LYPLAL1: variants seen among roughly 807,000 people sequenced by gnomAD.
LYPLAL1 encodes lysophospholipase-like protein 1.
A neutral mutation model predicts 19.7 loss-of-function variants in LYPLAL1; 23 were observed. The ratio of observed to expected loss-of-function variants is 1.17; its 90% CI spans 0.84 to 1.65. The LOEUF (loss-of-function observed/expected upper bound fraction) is 1.65, where lower values mean the gene tolerates loss of function less well. Among genes scored for constraint, LYPLAL1 ranks in the 40% most tolerant of loss-of-function variants. The pLI is 0.00. For synonymous variants in LYPLAL1, 119 were observed against 96.3 expected (o/e 1.24, Z -1.38); for missense variants, 355 against 279.4 (o/e 1.27, Z -1.93).
At chr1:219,340,292 C>G in the LYPLAL1 span, among the ~76,000 whole-genome samples, 1 of 152,086 alleles carries the variant, frequency 6.6e-6, no homozygotes, top group Non-Finnish European at 1.5e-5. Context: ...GTCATAGAAG[C>G]AGGTCACTTT....
the LYPLAL1 span, among the ~76,000 whole-genome samples, chr1:219,374,808 G>A: frequency 2.0e-5 from 3 of 152,168 alleles, no homozygotes; most frequent in Non-Finnish European, 4.4e-5. Context: ...GAATCAGCAT[G>A]AGAATACAGT....
the LYPLAL1 span, among the ~76,000 whole-genome samples, chr1:219,279,847 A>T: frequency 6.6e-6 from 1 of 152,342 alleles, no homozygotes; most frequent in East Asian, 1.9e-4. Context: ...TATTTTAGCC[A>T]GTCATATTTT....
chr1:219,252,904 G>A, the LYPLAL1 span, among the ~76,000 whole-genome samples: 4 of 151,950 alleles, frequency 2.6e-5, no homozygotes, highest in East Asian at 1.9e-4. Flanking sequence ...TTGTGAATCC[G>A]TCAGGTCCCA....
chr1:219,329,003 C>T, the LYPLAL1 span, among the ~76,000 whole-genome samples: 2 of 151,604 alleles, frequency 1.3e-5, no homozygotes, highest in African/African-American at 4.8e-5. Context: ...ACTTTCAATC[C>T]TTTTTGGAGC....
the LYPLAL1 span, among the ~76,000 whole-genome samples, chr1:219,429,304 C>G: frequency 1.3e-5 from 2 of 152,152 alleles, no homozygotes; most frequent in Non-Finnish European, 2.9e-5. Flanking sequence ...TCTTGAGCAT[C>G]AAGACTGCAT....
At chr1:219,299,742 A>G in the LYPLAL1 span, among the ~76,000 whole-genome samples, 1 of 152,218 alleles carries the variant, frequency 6.6e-6, no homozygotes, top group Non-Finnish European at 1.5e-5. Flanking sequence ...CCACATGTGC[A>G]AAATATATCA....
chr1:219,230,755 C>T, the LYPLAL1 span, among the ~76,000 whole-genome samples: 1 of 152,132 alleles, frequency 6.6e-6, no homozygotes, highest in Non-Finnish European at 1.5e-5. Context: ...TATTTAAATT[C>T]AAAATGTTTG....
At chr1:219,253,687 T>C in the LYPLAL1 span, among the ~76,000 whole-genome samples, 1 of 152,104 alleles carries the variant, frequency 6.6e-6, no homozygotes, top group African/African-American at 2.4e-5. Flanking sequence ...AGGATTGTTT[T>C]ATGTCTAATT....
intron 2 of LYPLAL1, 152 bp downstream of exon 2, chr1:219,179,398 A>G (rs530475818): frequency 1.9e-5 from 12 of 635,292 alleles, no homozygotes; most frequent in African/African-American, 1.5e-4. Context: ...TCTTTATTGC[A>G]GTTACACTGT....
the LYPLAL1 span, among the ~76,000 whole-genome samples, chr1:219,368,220 TTTC>T: frequency 6.6e-6 from 1 of 152,176 alleles, no homozygotes; most frequent in South Asian, 2.1e-4. Context: ...AAGGATTCAG[TTTC>T]TTCTTACCTT....
the LYPLAL1 span, among the ~76,000 whole-genome samples, chr1:219,281,861 A>G: frequency 2.2e-4 from 34 of 152,178 alleles, no homozygotes; most frequent in African/African-American, 3.1e-4. Flanking sequence ...GAGATCCTCA[A>G]TGGAAAGGGG....
chr1:219,336,463 A>T, the LYPLAL1 span, among the ~76,000 whole-genome samples: 1 of 151,898 alleles, frequency 6.6e-6, no homozygotes, highest in South Asian at 2.1e-4. Context: ...AGTACCTGGG[A>T]TATGTTATGC....
In LYPLAL1 at chr1:219,193,066, G is replaced by GA. The variant is rs758330427; in HGVS notation, c.192-16_192-15insA. ...TTTCCTTTCTTTTTTTTTGGGGGGG[G>GA]GCGGTTGTTAAACAGATCATATACT... On this transcript the variant is annotated splice_polypyrimidine_tract_variant and intron_variant, in intron 2 of 4. Coordinates refer to ENST00000366928, the MANE Select transcript of LYPLAL1 (RefSeq NM_138794.5). 3.6e-5 allele frequency: 55 copies of GA among 1,519,452 alleles called. No individual in the cohort carries two copies. The South Asian group carries it at 5.9e-4, about 16-fold the overall frequency. 94.1% of individuals were successfully genotyped at this position (1,519,452 alleles called of 1,614,324 possible). A position where few individuals can be genotyped will look rare whatever the true frequency, so the allele number is the denominator to read the frequency against.
the LYPLAL1 span, among the ~76,000 whole-genome samples, chr1:219,433,229 A>G: frequency 2.0e-5 from 3 of 152,114 alleles, no homozygotes; most frequent in Non-Finnish European, 4.4e-5. Context: ...AAGCGGGAGG[A>G]CTGGTTTGGT....
At chr1:219,228,218 T>C in the LYPLAL1 span, among the ~76,000 whole-genome samples, 2 of 152,202 alleles carry the variant, frequency 1.3e-5, no homozygotes. Context: ...GTGGGTCACA[T>C]GCCCATTTCT....
At chr1:219,246,912 A>C in the LYPLAL1 span, among the ~76,000 whole-genome samples, 1 of 152,210 alleles carries the variant, frequency 6.6e-6, no homozygotes, top group African/African-American at 2.4e-5. Context: ...TAAAATAAAG[A>C]AACATGTAAT....
the LYPLAL1 span, among the ~76,000 whole-genome samples, chr1:219,225,892 C>A: frequency 6.6e-6 from 1 of 152,130 alleles, no homozygotes; most frequent in Non-Finnish European, 1.5e-5. Context: ...TTCTACCATG[C>A]CAATATTTCC....
At chr1:219,374,481 A>G in the LYPLAL1 span, among the ~76,000 whole-genome samples, 2 of 152,214 alleles carry the variant, frequency 1.3e-5, no homozygotes, top group Non-Finnish European at 2.9e-5. Context: ...CCATCCTCCC[A>G]TGATTAACAA....
chr1:219,398,563 C>T, the LYPLAL1 span, among the ~76,000 whole-genome samples: 1 of 152,142 alleles, frequency 6.6e-6, no homozygotes, highest in African/African-American at 2.4e-5. Flanking sequence ...TCATTTCAGC[C>T]ACCTCAGCAC....
Sources: allele counts gnomAD v4.1 joint callset (sites outside exome capture counted in the v4.1 genomes callset), GRCh38; gene constraint gnomAD v4.1.1; transcripts MANE v1.5; gene names NCBI Gene and HGNC (gene_info 2026-07-23, HGNC 2026-07-21).